Variants in CSMD1 observed in about 807,000 individuals in gnomAD.
The protein encoded by CSMD1 is CUB and Sushi multiple domains 1, also known as CUB and sushi domain-containing protein 1.
A neutral mutation model predicts 417.5 loss-of-function variants in CSMD1; 213 were observed. That is an observed-to-expected ratio of 0.51 (90% confidence interval 0.46 to 0.57). The LOEUF (loss-of-function observed/expected upper bound fraction) is 0.57, where lower values mean the gene tolerates loss of function less well. CSMD1 is among the 20% of genes least tolerant of loss of function. The pLI is 0.00. For synonymous variants in CSMD1, 2,862 were observed against 1,736.8 expected, an observed-to-expected ratio of 1.65 and a Z score of -16.11; for missense variants, 6,923 against 4,529.7, an observed-to-expected ratio of 1.53 and a Z score of -15.17.
intron 10 of CSMD1, among the ~76,000 whole-genome samples, chr8:3,544,776 G>T (rs1244592707): frequency 6.6e-6 from 1 of 152,074 alleles, no homozygotes; most frequent in Non-Finnish European, 1.5e-5. Flanking sequence ...TCTTAGAAAT[G>T]TTGTTTGCTT....
intron 4 of CSMD1, among the ~76,000 whole-genome samples, chr8:4,000,121 C>T (rs1292703523): frequency 1.3e-5 from 2 of 152,188 alleles, no homozygotes; most frequent in Non-Finnish European, 2.9e-5. Flanking sequence ...TCCGTGGGCA[C>T]CACTGTGCAA....
chr8:3,947,475 A>AT (rs1262369201), intron 5 of CSMD1, among the ~76,000 whole-genome samples: 1 of 152,088 alleles, frequency 6.6e-6, no homozygotes, highest in African/African-American at 2.4e-5. Context: ...ATCCAGTTTA[A>AT]TTTTTTAATT....
At chr8:3,798,020 T>A (rs1800256012) in intron 5 of CSMD1, among the ~76,000 whole-genome samples, 1 of 152,030 alleles carries the variant, frequency 6.6e-6, no homozygotes, top group South Asian at 2.1e-4. Context: ...GTTGATAAAC[T>A]TTTCAGGTGC....
At chr8:4,702,289 C>A (rs955130441) in intron 1 of CSMD1, among the ~76,000 whole-genome samples, 5 of 152,180 alleles carry the variant, frequency 3.3e-5, no homozygotes, top group African/African-American at 1.2e-4. Flanking sequence ...AACAGGTTGC[C>A]TTGCTTCTGA....
intron 3 of CSMD1, among the ~76,000 whole-genome samples, chr8:4,375,273 C>A (rs1012430220): frequency 1.1e-4 from 16 of 152,212 alleles, no homozygotes; most frequent in Admixed American, 5.2e-4. Flanking sequence ...AAACAGACTT[C>A]AGGAAAAGAC....
chr8:4,367,779 G>A (rs1401948823), intron 3 of CSMD1, among the ~76,000 whole-genome samples: 1 of 152,014 alleles, frequency 6.6e-6, no homozygotes, highest in Non-Finnish European at 1.5e-5. Flanking sequence ...ATTTTTCATT[G>A]TTGGTAAGTT....
intron 11 of CSMD1, among the ~76,000 whole-genome samples, chr8:3,485,399 C>T (rs1008567609): frequency 1.3e-5 from 2 of 151,932 alleles, no homozygotes; most frequent in Non-Finnish European, 2.9e-5. Context: ...GTGTAGAAAA[C>T]AGGGAGTTGG....
At chr8:4,279,765 C>G (rs1314847275) in intron 3 of CSMD1, among the ~76,000 whole-genome samples, 11 of 152,096 alleles carry the variant, frequency 7.2e-5, no homozygotes, top group Non-Finnish European at 1.5e-4. Flanking sequence ...AAATAAAACT[C>G]TACGTAAGAT....
At chr8:3,165,020 T>C (rs1820122172) in intron 37 of CSMD1, among the ~76,000 whole-genome samples, 1 of 151,834 alleles carries the variant, frequency 6.6e-6, no homozygotes, top group African/African-American at 2.4e-5. Flanking sequence ...TATAATTAAT[T>C]ATAAATAAAT....
intron 1 of CSMD1, among the ~76,000 whole-genome samples, chr8:4,921,191 T>G (rs1053854004): frequency 6.6e-6 from 1 of 152,076 alleles, no homozygotes; most frequent in Non-Finnish European, 1.5e-5. Flanking sequence ...AACAGGCAAT[T>G]TCAAGTGACT....
chr8:4,065,659 T>C (rs1799207712), intron 3 of CSMD1, among the ~76,000 whole-genome samples: 2 of 152,188 alleles, frequency 1.3e-5, no homozygotes, highest in South Asian at 2.1e-4. Context: ...CTTTTAGCCA[T>C]GACACTACCA....
intron 10 of CSMD1, among the ~76,000 whole-genome samples, chr8:3,497,097 G>A (rs187009765): frequency 1.6e-3 from 238 of 152,288 alleles, no homozygotes; most frequent in Non-Finnish European, 2.6e-3. Flanking sequence ...ACCATGTACT[G>A]ATGAGAAAAA....
At chr8:4,613,683 T>C (rs972462981) in intron 2 of CSMD1, among the ~76,000 whole-genome samples, 1 of 152,038 alleles carries the variant, frequency 6.6e-6, no homozygotes, top group Non-Finnish European at 1.5e-5. Context: ...CAATTTTCCA[T>C]CAAATGGCAG....
chr8:4,787,377 G>A (rs1406988125), intron 1 of CSMD1: 1 of 732,976 alleles, frequency 1.4e-6, no homozygotes, highest in East Asian at 2.6e-5. Context: ...ATTGTATGAG[G>A]GTAAAACAAA....
At chr8:4,877,668 T>A (rs1803133988) in intron 1 of CSMD1, among the ~76,000 whole-genome samples, 1 of 152,084 alleles carries the variant, frequency 6.6e-6, no homozygotes, top group Non-Finnish European at 1.5e-5. Flanking sequence ...AAACACAAAT[T>A]GAAACTATCT....
intron 23 of CSMD1, among the ~76,000 whole-genome samples, chr8:3,314,359 A>G (rs1805589949): frequency 6.6e-6 from 1 of 152,198 alleles, no homozygotes; most frequent in African/African-American, 2.4e-5. Flanking sequence ...GAGACTTTTG[A>G]CTGATCAATT....
At position 3,666,014 on chromosome 8, in the gene CSMD1, C is replaced by T. The variant is rs555997985; in HGVS notation, c.1009+42400G>A. Among the ~76,000 whole-genome samples the T allele has an allele frequency of 2.0e-5, 3 of 152,278 alleles. No homozygotes were observed. In the East Asian group the frequency reaches 5.8e-4, roughly 29 times the overall value. Reference sequence around the variant, plus strand: ...TGCCTTAGCCTCCTCCTGCCTCAGCCTCCACGGAGTAGGTGGGATTACAGG... The same window carrying T: ...TGCCTTAGCCTCCTCCTGCCTCAGCTTCCACGGAGTAGGTGGGATTACAGG... On this transcript the variant is annotated intron_variant, in intron 7 of 69. Transcript: ENST00000635120.
At chr8:3,159,529 C>T (rs539760336) in intron 38 of CSMD1, among the ~76,000 whole-genome samples, 1 of 152,266 alleles carries the variant, frequency 6.6e-6, no homozygotes, top group South Asian at 2.1e-4. Context: ...ATGCAAGGAA[C>T]AATGCTTTTC....
chr8:3,646,185 G>T (rs531521180), intron 7 of CSMD1, among the ~76,000 whole-genome samples: 1 of 151,908 alleles, frequency 6.6e-6, no homozygotes, highest in South Asian at 2.1e-4. Context: ...AACAAAAATA[G>T]TGATACATTA....
Sources: gnomAD v4.1 joint callset for allele counts (sites outside exome capture counted in the v4.1 genomes callset) on GRCh38, gnomAD v4.1.1 for gene constraint, MANE v1.5 for transcripts, NCBI Gene and HGNC (gene_info 2026-07-23, HGNC 2026-07-21) for gene names.